The following NIBAN1 variants were observed in gnomAD, a reference collection of about 807,000 sequenced individuals.
NIBAN1 encodes protein Niban 1.
NIBAN1 carries 81 observed loss-of-function variants against 75.1 expected under a neutral mutation model. The observed-to-expected ratio is 1.08, with a 90% CI of 0.90 to 1.30. NIBAN1 has a LOEUF of 1.30. Among genes scored for constraint, NIBAN1 ranks in the 50% most tolerant of loss-of-function variants. The probability of loss-of-function intolerance (pLI) is 0.00; values close to 1 mark genes in which losing one functional copy is unlikely to be tolerated. For missense variants in NIBAN1, 1,133 were observed against 1,128.1 expected (o/e 1.00, Z -0.06); for synonymous variants, 436 against 424.8 (o/e 1.03, Z -0.32).
rs1254343633 is a variant in NIBAN1, at chr1:184,823,707, G to A, written c.753C>T (p.Pro251=). The A allele has an allele frequency of 1.2e-6, 2 of 1,614,116 alleles. No homozygotes were observed. Among genetic ancestry groups the A allele is most frequent in the Admixed American group, 1.7e-5 (1 of 60,016 alleles). Residue 251 remains proline, a synonymous_variant, in exon 7 of 14, where the codon CCC becomes CCT. Coordinates refer to ENST00000367511, the MANE Select transcript of NIBAN1 (RefSeq NM_052966.4). ...LSNLVMEELL[P]TLQTDLLPKM... ...TAGGCAGCAGGTCTGTCTGAAGAGT[G>A]GGCAGGAGCTCCTCCATCACCAGGT... is the stretch of plus-strand genomic sequence containing the variant.
chr1:184,807,935 G>A (rs557400057), intron 10 of NIBAN1, 139 bp downstream of exon 10: 557 of 886,194 alleles, frequency 6.3e-4, no homozygotes, highest in Non-Finnish European at 9.4e-4. Context: ...GGGACAGAAC[G>A]TGTCCTCCCG....
intron 1 of NIBAN1, among the ~76,000 whole-genome samples, chr1:184,963,938 T>A (rs1343231355): frequency 2.0e-5 from 3 of 152,132 alleles, no homozygotes; most frequent in Admixed American, 6.6e-5. Context: ...CTTCTGACAA[T>A]GAGTAAGAAG....
intron 8 of NIBAN1, among the ~76,000 whole-genome samples, chr1:184,820,461 A>G (rs1187752966): frequency 6.6e-6 from 1 of 152,138 alleles, no homozygotes; most frequent in East Asian, 1.9e-4. Flanking sequence ...GCTCATAAAC[A>G]TCCTACTCCT....
chr1:184,973,473 C>T (rs377392940), intron 1 of NIBAN1, among the ~76,000 whole-genome samples: 3 of 149,598 alleles, frequency 2.0e-5, no homozygotes, highest in South Asian at 4.2e-4. Flanking sequence ...GGTAAGATAA[C>T]CAAATGTTAG....
At chr1:184,928,917 C>T (rs916415648) in intron 1 of NIBAN1, among the ~76,000 whole-genome samples, 9 of 152,092 alleles carry the variant, frequency 5.9e-5, no homozygotes, top group African/African-American at 2.2e-4. Context: ...TGCCCCAAGT[C>T]CTCTTCATTT....
At chr1:184,911,930 A>G (rs1657251996) in intron 1 of NIBAN1, among the ~76,000 whole-genome samples, 1 of 152,204 alleles carries the variant, frequency 6.6e-6, no homozygotes. Context: ...AAAATTTTAA[A>G]CAAAATACTA....
intron 1 of NIBAN1, among the ~76,000 whole-genome samples, chr1:184,970,975 A>G (rs1036797802): frequency 6.6e-6 from 1 of 152,102 alleles, no homozygotes; most frequent in African/African-American, 2.4e-5. Context: ...GTTTAATTTC[A>G]TGCATACCAA....
At chr1:184,924,059 CT>C (rs1475937897) in intron 1 of NIBAN1, among the ~76,000 whole-genome samples, 2 of 151,656 alleles carry the variant, frequency 1.3e-5, no homozygotes, top group Non-Finnish European at 2.9e-5. Flanking sequence ...GTTTAGGTGC[CT>C]TTTATTTCTT....
chr1:184,851,535 A>G (rs1358245136), intron 5 of NIBAN1, among the ~76,000 whole-genome samples: 1 of 52,426 alleles, frequency 1.9e-5, no homozygotes, highest in South Asian at 5.2e-4. Flanking sequence ...GCTAGATGAC[A>G]CGTTAGTGGG....
chr1:184,903,808 C>T (rs1310480117), intron 1 of NIBAN1, among the ~76,000 whole-genome samples: 1 of 143,740 alleles, frequency 7.0e-6, no homozygotes, highest in Non-Finnish European at 1.5e-5. Context: ...GCAATCACAG[C>T]TCACTGCAGC....
Position 184,974,301 on chromosome 1 carries a change from C to T in NIBAN1, c.55+1G>A, listed in dbSNP as rs1361556018. On this transcript the variant is annotated splice_donor_variant, in intron 1 of 13. Coordinates refer to ENST00000367511, the MANE Select transcript of NIBAN1 (RefSeq NM_052966.4). LOFTEE classifies it high-confidence loss of function. ...CCAGGCCCCCGGGCGGGCGGGCGTA[C>T]CTCGGATGTAAGCGCACTTGCCCTC... The T allele has an allele frequency of 1.9e-6, 3 of 1,561,330 alleles. No homozygotes were observed. Among genetic ancestry groups the T allele is most frequent in the African/African-American group, 2.7e-5 (2 of 73,504 alleles).
intron 1 of NIBAN1, among the ~76,000 whole-genome samples, chr1:184,966,621 C>G (rs991354332): frequency 1.3e-5 from 2 of 152,212 alleles, no homozygotes; most frequent in Non-Finnish European, 2.9e-5. Context: ...ACGGGGCACA[C>G]AGAAGCCTCC....
chr1:184,835,580 T>C (rs894503455), intron 5 of NIBAN1, among the ~76,000 whole-genome samples: 3 of 152,212 alleles, frequency 2.0e-5, no homozygotes, highest in African/African-American at 7.2e-5. Flanking sequence ...GTTGGATTCC[T>C]AGGCATTTTA....
chr1:184,792,442 C>T lies in NIBAN1; in HGVS notation c.*2535G>A, dbSNP rs949119067. 3 of 152,718 alleles carry T rather than the reference C, an allele frequency of 2.0e-5. No individual in the cohort carries two copies. The highest frequency in any genetic ancestry group is 4.4e-5 in the Non-Finnish European group (3 of 68,140). 9.5% of individuals were successfully genotyped at this position (152,718 alleles called of 1,614,324 possible). ...TTAGCTTTCCAGGGGGTGCAAGAAG[C>T]CCTGCATTGAGCAAAGAAAGGAAGC... On this transcript the variant is annotated 3_prime_UTR_variant, in exon 14 of 14. Coordinates refer to ENST00000367511, the MANE Select transcript of NIBAN1 (RefSeq NM_052966.4).
chr1:184,799,311 CGATAGTTTACTGA>C (rs1172372046), intron 12 of NIBAN1, among the ~76,000 whole-genome samples: 1 of 149,508 alleles, frequency 6.7e-6, no homozygotes, highest in Non-Finnish European at 1.5e-5. Context: ...TTTGTTCTTG[CGATAGTTTACTGA>C]GAATGATGAT....
intron 13 of NIBAN1, 30 bp from the exon 14 acceptor site, chr1:184,796,127 T>C (rs1047325274): frequency 1.3e-6 from 2 of 1,488,454 alleles, no homozygotes; most frequent in African/African-American, 2.8e-5. Context: ...AAAACATGAT[T>C]TTCTGATTTT....
At chr1:184,825,539 TA>T (rs564746803) in intron 6 of NIBAN1, among the ~76,000 whole-genome samples, 2 of 152,034 alleles carry the variant, frequency 1.3e-5, no homozygotes, top group African/African-American at 4.8e-5. Flanking sequence ...AAGGAAAAAA[TA>T]AAAAAAGAAT....
chr1:184,796,669 A>C (rs78764742), intron 13 of NIBAN1, among the ~76,000 whole-genome samples: 5,838 of 152,288 alleles, frequency 0.038, 282 homozygotes, highest in African/African-American at 0.11. Context: ...ACAGCAGGTG[A>C]CATTTTTGAC....
At chr1:184,863,315 G>A (rs917862639) in intron 5 of NIBAN1, among the ~76,000 whole-genome samples, 1 of 152,222 alleles carries the variant, frequency 6.6e-6, no homozygotes, top group Non-Finnish European at 1.5e-5. Context: ...GGCAGACACA[G>A]AACTGACTTG....
Sources: allele counts gnomAD v4.1 joint callset (sites outside exome capture counted in the v4.1 genomes callset), GRCh38; gene constraint gnomAD v4.1.1; transcripts MANE v1.5; gene names NCBI Gene and HGNC (gene_info 2026-07-23, HGNC 2026-07-21).